Variants in TTF1 observed in about 807,000 individuals in gnomAD.
TTF1 encodes the protein transcription termination factor, RNA polymerase I.
In TTF1, 64 loss-of-function variants were observed where a neutral mutation model predicts 80.2. The observed-to-expected ratio is 0.80, with a 90% confidence interval of 0.65 to 0.98. The LOEUF (loss-of-function observed/expected upper bound fraction) is 0.98, where lower values mean the gene tolerates loss of function less well. Ranked by LOEUF, TTF1 falls within the 50% of genes least tolerant of loss-of-function variation. The pLI is 0.00. For missense variants in TTF1, 1,023 were observed against 1,086.2 expected, an observed-to-expected ratio of 0.94 and a Z score of 0.82; for synonymous variants, 372 against 382.7, an observed-to-expected ratio of 0.97 and a Z score of 0.33.
chr9:132,385,913 A>G (rs1197033205), intron 9 of TTF1, among the ~76,000 whole-genome samples: 2 of 152,238 alleles, frequency 1.3e-5, no homozygotes, highest in Non-Finnish European at 2.9e-5. Flanking sequence ...TCTACCAGGC[A>G]AGGAACTTGT....
At chr9:132,403,134 C>T (rs1024853722) in intron 1 of TTF1, among the ~76,000 whole-genome samples, 1 of 152,222 alleles carries the variant, frequency 6.6e-6, no homozygotes, top group African/African-American at 2.4e-5. Context: ...GCTGGGATTA[C>T]AGGCGTCAGC....
intron 1 of TTF1, among the ~76,000 whole-genome samples, chr9:132,405,665 T>C (rs1294253149): frequency 6.6e-6 from 1 of 152,234 alleles, no homozygotes; most frequent in East Asian, 1.9e-4. Flanking sequence ...CTGTTATTCT[T>C]AAGATAAAGT....
chr9:132,402,925 G>A (rs931665984), intron 1 of TTF1, 97 bp from the exon 2 acceptor site: 4 of 1,224,892 alleles, frequency 3.3e-6, no homozygotes, highest in African/African-American at 1.5e-5. Context: ...GCGCGATCTC[G>A]GCTCACTGCA....
At chr9:132,396,384 G>A (rs751247190) in intron 5 of TTF1, 49 bp downstream of exon 5, 3 of 1,553,096 alleles carry the variant, frequency 1.9e-6, no homozygotes, top group Non-Finnish European at 1.8e-6. Flanking sequence ...TATGGTATCA[G>A]CAAAGACTAG....
intron 5 of TTF1, among the ~76,000 whole-genome samples, chr9:132,392,831 G>GAAAAAC (rs1454525508): frequency 6.6e-6 from 1 of 152,050 alleles, no homozygotes; most frequent in Non-Finnish European, 1.5e-5. Context: ...GTTGCGTGAT[G>GAAAAAC]AAAAACAAAA....
intron 5 of TTF1, among the ~76,000 whole-genome samples, chr9:132,395,547 T>C (rs1277437881): frequency 1.3e-5 from 2 of 152,176 alleles, no homozygotes; most frequent in Non-Finnish European, 2.9e-5. Flanking sequence ...TTGTCTAACC[T>C]CAGGATTGGG....
chr9:132,392,057 A>G lies in TTF1; in HGVS notation c.1987+19T>C, dbSNP rs773671021. ...GGCTTATTTCTTCAGCGAGGTGGGC[A>G]CTGGGGGCTGCCACTTACGACTGCT... On this transcript the variant is annotated intron_variant, in intron 6 of 10. Transcript: ENST00000334270. The G allele has an allele frequency of 6.2e-7, 1 of 1,613,462 alleles. No individual in the cohort carries two copies. The highest frequency in any genetic ancestry group is 1.1e-5 in the South Asian group (1 of 91,044).
chr9:132,378,004 C>CGT (rs1481090536), intron 10 of TTF1, among the ~76,000 whole-genome samples: 1 of 29,978 alleles, frequency 3.3e-5, no homozygotes, highest in Non-Finnish European at 6.1e-5. Flanking sequence ...GCATGTGGTG[C>CGT]GTGTGAATGC....
intron 9 of TTF1, among the ~76,000 whole-genome samples, chr9:132,383,771 G>A (rs958579198): frequency 2.6e-5 from 4 of 152,154 alleles, no homozygotes; most frequent in East Asian, 3.8e-4. Flanking sequence ...GTTCTGTGGC[G>A]CTGGCACACC....
intron 10 of TTF1, among the ~76,000 whole-genome samples, chr9:132,377,160 G>A (rs1849194225): frequency 6.7e-6 from 1 of 149,012 alleles, no homozygotes; most frequent in Non-Finnish European, 1.5e-5. Context: ...CATGCATGTG[G>A]TGAGTGCATG....
chr9:132,400,168 A>G lies in TTF1; in HGVS notation c.1458T>C (p.Asp486=). Residue 486 remains aspartate, a synonymous_variant, in exon 3 of 11, where the codon GAT becomes GAC. Coordinates refer to ENST00000334270, the MANE Select transcript of TTF1 (RefSeq NM_007344.4). ...YLSADSGDAD[D]SDADLGSAVK... is the part of the protein sequence containing the mutation. ...CGGCAGAACCCAAATCCGCATCTGAATCATCGGCATCTCCTGAATCTGCAG... is the reference window on the plus strand; with the variant it reads ...CGGCAGAACCCAAATCCGCATCTGAGTCATCGGCATCTCCTGAATCTGCAG... 4 of 1,614,166 alleles carry G rather than the reference A, an allele frequency of 2.5e-6. No homozygotes were observed. Among genetic ancestry groups the G allele is most frequent in the Non-Finnish European group, 3.4e-6 (4 of 1,180,036 alleles).
At chr9:132,390,496 T>C in intron 7 of TTF1, 101 bp downstream of exon 7, 1 of 1,170,690 alleles carries the variant, frequency 8.5e-7, no homozygotes, top group Middle Eastern at 2.0e-4. Context: ...CGATTGTTCT[T>C]GACACGTCAG....
rs779336448 is a variant in TTF1, at chr9:132,402,650, CT to C, written c.171del (p.Asp58IlefsTer10). The C allele has an allele frequency of 1.2e-6, 2 of 1,613,038 alleles. No individual in the cohort carries two copies. The highest frequency in any genetic ancestry group is 1.3e-5 in the African/African-American group (1 of 74,860). Reference sequence around the variant, plus strand: ...GGAGAAGAAATGAGATGCTGGAAATCTTTTTTCCTCTTTTTCCTCCTAGTTA... The same window carrying C: ...GGAGAAGAAATGAGATGCTGGAAATCTTTTTCCTCTTTTTCCTCCTAGTTA... ...SQITRRKKRK[K>X]DFQHLISSPL... is the part of the protein sequence containing the mutation. On this transcript the variant is annotated frameshift_variant, in exon 2 of 11. Coordinates refer to ENST00000334270, the MANE Select transcript of TTF1 (RefSeq NM_007344.4). LOFTEE classifies it high-confidence loss of function.
rs371937965 is a variant in TTF1, at chr9:132,401,472, G to T, written c.1350C>A (p.His450Gln). 6.2e-7 allele frequency: 1 copy of T among 1,611,504 alleles called. No individual in the cohort carries two copies. Among genetic ancestry groups the T allele is most frequent in the Non-Finnish European group, 8.5e-7 (1 of 1,178,472 alleles). Residue 450 changes from histidine (H) to glutamine (Q), a missense_variant, in exon 2 of 11, where the codon CAC (histidine) becomes CAA (glutamine). By Grantham distance (24) the His-to-Gln change is conservative. Transcript: ENST00000334270. The part of the protein sequence containing the change: ...KKTQACLASK[H>Q]VQEAPRLEPA... ...CTCGTTACCTTGGCGCCTCTTGCACGTGCTTGCTTGCCAAACAGGCCTGGG... is the reference window on the plus strand; with the variant it reads ...CTCGTTACCTTGGCGCCTCTTGCACTTGCTTGCTTGCCAAACAGGCCTGGG...
At chr9:132,405,273 C>T (rs1202015030) in intron 1 of TTF1, among the ~76,000 whole-genome samples, 1 of 152,136 alleles carries the variant, frequency 6.6e-6, no homozygotes, top group African/African-American at 2.4e-5. Context: ...GGCACGATCT[C>T]GGCTCACTGC....
At chr9:132,382,039 T>C (rs370527386) in intron 9 of TTF1, among the ~76,000 whole-genome samples, 1 of 152,178 alleles carries the variant, frequency 6.6e-6, no homozygotes, top group South Asian at 2.1e-4. Flanking sequence ...CCGAGCCCCA[T>C]GATGCTCGGC....
At position 132,401,733 on chromosome 9, in the gene TTF1, C is replaced by A. The variant is rs1310513020; in HGVS notation, c.1089G>T (p.Val363=). 6.2e-7 allele frequency: 1 copy of A among 1,614,246 alleles called. No homozygotes were observed. The highest frequency in any genetic ancestry group is 1.3e-5 in the African/African-American group (1 of 75,066). ...LESAYPEGSQ[V]GSEVGTVEGS... ...CTTCCACAGTCCCAACCTCACTGCC[C>A]ACCTGTGATCCTTCAGGGTATGCAC... The change falls in exon 2 of 11, where the codon GTG becomes GTT. Residue 363 remains valine, a synonymous_variant. Coordinates refer to ENST00000334270, the MANE Select transcript of TTF1 (RefSeq NM_007344.4).
intron 4 of TTF1, 73 bp from the exon 5 acceptor site, chr9:132,396,584 A>G (rs1415784099): frequency 7.9e-7 from 1 of 1,261,970 alleles, no homozygotes; most frequent in South Asian, 1.2e-5. Context: ...AACCCAGAAC[A>G]GCCCTTATAA....
In TTF1 at chr9:132,402,144, G is replaced by A; in HGVS notation, c.678C>T (p.Ser226=). 2 of 1,613,992 alleles carry A rather than the reference G, an allele frequency of 1.2e-6. No individual in the cohort carries two copies. Among genetic ancestry groups the A allele is most frequent in the South Asian group, 2.2e-5 (2 of 91,070 alleles). ...KNKSKKKKKK[S]SNREYETLAM... ...CCAGTGTCTCATATTCCCGGTTACT[G>A]GACTTTTTCTTTTTTTTCTTAGACT... The change falls in exon 2 of 11, where the codon TCC becomes TCT. Residue 226 remains serine (S), a synonymous_variant. Transcript: ENST00000334270.
Sources: allele counts gnomAD v4.1 joint callset (sites outside exome capture counted in the v4.1 genomes callset), GRCh38; gene constraint gnomAD v4.1.1; transcripts MANE v1.5; gene names NCBI Gene and HGNC (gene_info 2026-07-23, HGNC 2026-07-21).